SYNPR: variants seen among roughly 807,000 people sequenced by gnomAD.
The protein encoded by SYNPR is synaptoporin.
Under a neutral mutation model 32.9 loss-of-function variants are expected in SYNPR, and 23 were observed. The ratio of observed to expected loss-of-function variants is 0.70; its 90% confidence interval spans 0.50 to 0.99. The LOEUF (loss-of-function observed/expected upper bound fraction) is 0.99, where lower values mean the gene tolerates loss of function less well. Ranked by LOEUF, SYNPR falls within the 50% of genes least tolerant of loss-of-function variation. The probability of loss-of-function intolerance (pLI) is 0.00; values close to 1 mark genes in which losing one functional copy is unlikely to be tolerated. For synonymous variants in SYNPR, 146 were observed against 135.9 expected (o/e 1.07, Z -0.52); for missense variants, 318 against 349.3 (o/e 0.91, Z 0.71).
chr3:63,351,110 T>C (rs2087501363), intron 2 of SYNPR, among the ~76,000 whole-genome samples: 1 of 152,148 alleles, frequency 6.6e-6, no homozygotes, highest in South Asian at 2.1e-4. Context: ...CTGATCTTCG[T>C]TGGTTTTACA....
chr3:63,434,220 T>A lies in SYNPR; in HGVS notation c.85-46612T>A, dbSNP rs182448276. ...GCATAGTGGTTTAACAGGGTTTTTT[T>A]AACTCAATTTGTTGAAAAGGAAAGA... is the stretch of plus-strand genomic sequence containing the variant. On this transcript the variant is annotated intron_variant, in intron 2 of 5. Transcript: ENST00000478300. Among the ~76,000 whole-genome samples the A allele has an allele frequency of 4.3e-3, 650 of 152,344 alleles. 2 individuals carry two copies. The highest frequency in any genetic ancestry group is 6.3e-3 in the Non-Finnish European group (432 of 68,034).
chr3:63,407,853 C>T (rs904583100), intron 2 of SYNPR, among the ~76,000 whole-genome samples: 2 of 151,988 alleles, frequency 1.3e-5, no homozygotes, highest in Non-Finnish European at 2.9e-5. Context: ...CACTACCATG[C>T]TGATATCAAC....
chr3:63,416,554 C>G (rs188430660), intron 2 of SYNPR, among the ~76,000 whole-genome samples: 2 of 122,582 alleles, frequency 1.6e-5, no homozygotes, highest in African/African-American at 5.8e-5. Flanking sequence ...AAAAAAAAAC[C>G]AAAAAAAAAC....
intron 3 of SYNPR, among the ~76,000 whole-genome samples, chr3:63,512,827 A>C (rs1254507310): frequency 6.6e-6 from 1 of 152,108 alleles, no homozygotes; most frequent in Non-Finnish European, 1.5e-5. Context: ...TAAGCCACTA[A>C]GTTTGTGCTA....
At chr3:63,465,016 C>G (rs1700651568) in intron 2 of SYNPR, among the ~76,000 whole-genome samples, 1 of 152,168 alleles carries the variant, frequency 6.6e-6, no homozygotes, top group Non-Finnish European at 1.5e-5. Flanking sequence ...CCACTTATCA[C>G]TGGTACTCAG....
chr3:63,511,126 GTATTGGGAAT>G (rs1484394306), intron 3 of SYNPR, among the ~76,000 whole-genome samples: 1 of 144,442 alleles, frequency 6.9e-6, no homozygotes. Flanking sequence ...TGCTTTTTGG[GTATTGGGAAT>G]CATGGACCCT....
Position 63,615,217 on chromosome 3 carries a change from C to T in SYNPR, c.601-7C>T. The T allele has an allele frequency of 6.2e-7, 1 of 1,612,612 alleles. No homozygotes were observed. The highest frequency in any genetic ancestry group is 1.1e-5 in the South Asian group (1 of 90,826). On this transcript the variant is annotated splice_region_variant and splice_polypyrimidine_tract_variant and intron_variant, in intron 5 of 5. Transcript: ENST00000478300. The stretch of plus-strand genomic sequence containing the variant: ...CTATCAATTCATTGGCTTTGATTCT[C>T]CTTCAGGTCTTTGGATTCTTGAACT...
chr3:63,507,284 G>GA (rs149271946), intron 3 of SYNPR, among the ~76,000 whole-genome samples: 2,389 of 152,046 alleles, frequency 0.016, 56 homozygotes, highest in African/African-American at 0.053. Flanking sequence ...ATTACAAAAG[G>GA]AAAAATAATA....
chr3:63,525,163 C>G (rs1228283565), intron 3 of SYNPR, among the ~76,000 whole-genome samples: 2 of 152,142 alleles, frequency 1.3e-5, no homozygotes, highest in East Asian at 3.9e-4. Context: ...CTATTCCATG[C>G]CCATCCATGT....
chr3:63,287,517 T>C (rs2086696846), intron 2 of SYNPR, among the ~76,000 whole-genome samples: 1 of 152,108 alleles, frequency 6.6e-6, no homozygotes, highest in Non-Finnish European at 1.5e-5. Flanking sequence ...AGGGATCTTG[T>C]TGGTCCTGCT....
chr3:63,330,296 A>C (rs953975254), intron 2 of SYNPR: 2 of 152,140 alleles, frequency 1.3e-5, no homozygotes, highest in African/African-American at 4.8e-5. Flanking sequence ...GAGTTTTCTA[A>C]TTGTAAGTGT....
At chr3:63,450,212 A>T (rs1347006258) in intron 2 of SYNPR, among the ~76,000 whole-genome samples, 3 of 152,162 alleles carry the variant, frequency 2.0e-5, no homozygotes, top group Non-Finnish European at 4.4e-5. Context: ...TTATTGCAAA[A>T]GCTGCAAGAA....
At chr3:63,443,481 G>T (rs760095282) in intron 2 of SYNPR, 257 of 1,604,882 alleles carry the variant, frequency 1.6e-4, no homozygotes, top group Admixed American at 2.0e-4. Flanking sequence ...TAAGTTTACA[G>T]CTATCTTGAT....
chr3:63,492,139 T>G (rs772316879), intron 3 of SYNPR, among the ~76,000 whole-genome samples: 6 of 152,132 alleles, frequency 3.9e-5, no homozygotes, highest in Non-Finnish European at 8.8e-5. Context: ...AGATTTTCCC[T>G]TGCTCTAACC....
chr3:63,319,397 G>T (rs1297172943), intron 2 of SYNPR, among the ~76,000 whole-genome samples: 2 of 151,964 alleles, frequency 1.3e-5, no homozygotes, highest in Non-Finnish European at 1.5e-5. Context: ...GATTGCTTTG[G>T]CTATTCTGTG....
In SYNPR at chr3:63,249,822, T is replaced by A. The variant is rs973953063; in HGVS notation, n.67-2677T>A. On this transcript the variant is annotated intron_variant and non_coding_transcript_variant, in intron 1 of 4. Coordinates refer to the SYNPR transcript ENST00000478456. ...AGCTTTTTTATTTTTTGCTTGAATT[T>A]TTTTCAGCTGGTATATTGATTGCAT... 3.3e-5 allele frequency among the ~76,000 whole-genome samples: 5 copies of A among 152,268 alleles called. No individual in the cohort carries two copies. The East Asian group carries it at 9.7e-4, about 29-fold the overall frequency.
rs537545367 is a variant in SYNPR, at chr3:63,265,144, A to C, written n.155-2173A>C. On this transcript the variant is annotated intron_variant and non_coding_transcript_variant, in intron 2 of 4. Transcript: ENST00000478456. ...GCTTTTGATTGAACACATTTCTTCC[A>C]AGAAAGAAGATATATGAGTCTTTCA... Among the ~76,000 whole-genome samples the C allele has an allele frequency of 3.3e-5, 5 of 152,208 alleles. 1 individual carries two copies. In the South Asian group the frequency reaches 1.0e-3, roughly 32 times the overall value.
chr3:63,307,268 G>A (rs951175323), intron 2 of SYNPR, among the ~76,000 whole-genome samples: 1 of 151,998 alleles, frequency 6.6e-6, no homozygotes, highest in African/African-American at 2.4e-5. Flanking sequence ...AACTCAGGCA[G>A]TCTGACTTCC....
At chr3:63,534,111 A>T (rs1469194585) in intron 3 of SYNPR, among the ~76,000 whole-genome samples, 3 of 152,202 alleles carry the variant, frequency 2.0e-5, no homozygotes, top group Non-Finnish European at 4.4e-5. Flanking sequence ...ACTATCAAAT[A>T]GCTTGTCCAC....
Sources: allele counts gnomAD v4.1 joint callset (sites outside exome capture counted in the v4.1 genomes callset), GRCh38; gene constraint gnomAD v4.1.1; transcripts MANE v1.5; gene names NCBI Gene and HGNC (gene_info 2026-07-23, HGNC 2026-07-21).